MCTP1: variants seen among roughly 807,000 people sequenced by gnomAD.
The protein encoded by MCTP1 is multiple C2 and transmembrane domain-containing protein 1.
Under a neutral mutation model 120.6 loss-of-function variants are expected in MCTP1, and 69 were observed. The ratio of observed to expected loss-of-function variants is 0.57; its 90% CI spans 0.47 to 0.70. The LOEUF (loss-of-function observed/expected upper bound fraction) is 0.70, where lower values mean the gene tolerates loss of function less well. Ranked by LOEUF, MCTP1 falls within the 30% of genes least tolerant of loss-of-function variation. MCTP1 has a pLI of 0.00. For synonymous variants in MCTP1, 529 were observed against 493.1 expected (o/e 1.07, Z -0.96); for missense variants, 1,203 against 1,248.8 (o/e 0.96, Z 0.55).
chr5:95,137,228 T>C (rs1247123997), intron 1 of MCTP1, among the ~76,000 whole-genome samples: 2 of 152,188 alleles, frequency 1.3e-5, no homozygotes, highest in East Asian at 1.9e-4. Flanking sequence ...TCGGGGGAAG[T>C]ATAACCTAGT....
chr5:94,826,227 C>A, intron 17 of MCTP1: 2 of 424,156 alleles, frequency 4.7e-6, no homozygotes, highest in South Asian at 2.3e-5. Flanking sequence ...TTGCTATAAC[C>A]ATGCTTGTAG....
chr5:95,115,076 T>C (rs1414365039), intron 1 of MCTP1, among the ~76,000 whole-genome samples: 12 of 152,164 alleles, frequency 7.9e-5, no homozygotes, highest in Non-Finnish European at 2.9e-5. Context: ...TGGACTTGGA[T>C]TGGGGTGCCA....
At chr5:94,761,873 C>T (rs1195571627) in intron 19 of MCTP1, among the ~76,000 whole-genome samples, 2 of 152,212 alleles carry the variant, frequency 1.3e-5, no homozygotes, top group African/African-American at 2.4e-5. Flanking sequence ...TCAGAAGCCT[C>T]GTGGCTTCCA....
rs1315184995 is a variant in MCTP1 at position 94,947,575 on chromosome 5, TATAG to T, written c.982-5152_982-5149del. On this transcript the variant is annotated intron_variant, in intron 3 of 22. Transcript: ENST00000515393. ...TACTAAATATATATATATATATATA[TATAG>T]AGAGAGAGAGAGAGAGAGAGAGAGA... Among the ~76,000 whole-genome samples the T allele has an allele frequency of 3.8e-3, 179 of 47,398 alleles. 2 individuals carry two copies. Among genetic ancestry groups the T allele is most frequent in the East Asian group, 0.016 (28 of 1,744 alleles). 31.1% of individuals were successfully genotyped at this position (47,398 alleles called of 152,430 possible). A position where few individuals can be genotyped will look rare whatever the true frequency, so the allele number is the denominator to read the frequency against.
At chr5:94,720,887 A>G (rs1760733379) in intron 19 of MCTP1, among the ~76,000 whole-genome samples, 1 of 152,326 alleles carries the variant, frequency 6.6e-6, no homozygotes, top group African/African-American at 2.4e-5. Context: ...TACTTTTCTC[A>G]TAATTCATCC....
At chr5:94,765,256 G>A (rs1772324195) in intron 19 of MCTP1, among the ~76,000 whole-genome samples, 1 of 151,962 alleles carries the variant, frequency 6.6e-6, no homozygotes, top group Non-Finnish European at 1.5e-5. Context: ...AGTGCTACGA[G>A]GGCCATTTAT....
intron 8 of MCTP1, among the ~76,000 whole-genome samples, chr5:94,915,182 A>G (rs1234494155): frequency 1.3e-5 from 2 of 152,222 alleles, no homozygotes; most frequent in Non-Finnish European, 2.9e-5. Flanking sequence ...GGTTCCCACG[A>G]AAACCCCATG....
intron 19 of MCTP1, among the ~76,000 whole-genome samples, chr5:94,766,637 G>C (rs138569214): frequency 3.3e-5 from 5 of 151,424 alleles, no homozygotes; most frequent in African/African-American, 1.2e-4. Flanking sequence ...AAACCTGCAC[G>C]TTGTGCACAT....
chr5:94,816,439 T>C (rs1013823120), intron 17 of MCTP1, among the ~76,000 whole-genome samples: 4 of 152,146 alleles, frequency 2.6e-5, no homozygotes, highest in African/African-American at 9.7e-5. Flanking sequence ...TAATTTTACA[T>C]GAATTAATAT....
chr5:95,177,101 C>T (rs945800400), intron 1 of MCTP1, among the ~76,000 whole-genome samples: 26 of 150,836 alleles, frequency 1.7e-4, no homozygotes, highest in Admixed American at 8.6e-4. Flanking sequence ...TAGGGTTATC[C>T]GGAGAAACAG....
At chr5:95,097,623 C>T (rs1200819367) in intron 1 of MCTP1, among the ~76,000 whole-genome samples, 2 of 152,164 alleles carry the variant, frequency 1.3e-5, no homozygotes, top group African/African-American at 4.8e-5. Flanking sequence ...GGAAGTTTCT[C>T]ATCTCTTTTA....
chr5:95,149,580 G>A (rs331567), intron 1 of MCTP1, among the ~76,000 whole-genome samples: 45,474 of 151,808 alleles, frequency 0.3, 7,133 homozygotes, highest in East Asian at 0.56. Flanking sequence ...AGCTGTGCCC[G>A]CCCAGAGTTC....
chr5:95,249,509 C>T (rs1173268505), intron 1 of MCTP1, among the ~76,000 whole-genome samples: 2 of 152,082 alleles, frequency 1.3e-5, no homozygotes, highest in African/African-American at 4.8e-5. Flanking sequence ...CAGGAAGCAA[C>T]AGATGATGGA....
At chr5:95,112,224 C>T (rs1410823585) in intron 1 of MCTP1, among the ~76,000 whole-genome samples, 1 of 152,166 alleles carries the variant, frequency 6.6e-6, no homozygotes, top group Non-Finnish European at 1.5e-5. Context: ...TAACTAAATC[C>T]TTTTGAGTGA....
intron 1 of MCTP1, among the ~76,000 whole-genome samples, chr5:95,155,030 A>G (rs1200461674): frequency 1.3e-5 from 2 of 152,172 alleles, no homozygotes; most frequent in Non-Finnish European, 2.9e-5. Flanking sequence ...TATAATGAAT[A>G]TGAACAAAAG....
At chr5:94,722,144 T>A (rs1178195077) in intron 19 of MCTP1, among the ~76,000 whole-genome samples, 4 of 152,190 alleles carry the variant, frequency 2.6e-5, no homozygotes, top group Non-Finnish European at 5.9e-5. Context: ...CACCTAGTTT[T>A]GAGATATTTA....
intron 1 of MCTP1, among the ~76,000 whole-genome samples, chr5:95,033,399 T>C (rs1840648657): frequency 6.6e-6 from 1 of 151,968 alleles, no homozygotes; most frequent in South Asian, 2.1e-4. Context: ...GGGTTTTATT[T>C]CTGGGATGCA....
chr5:95,086,321 C>G (rs1755441365), intron 1 of MCTP1, among the ~76,000 whole-genome samples: 1 of 152,006 alleles, frequency 6.6e-6, no homozygotes, highest in African/African-American at 2.4e-5. Context: ...CATTTACAGA[C>G]TAATTGAAGA....
chr5:94,735,316 G>A (rs1454265827), intron 19 of MCTP1, among the ~76,000 whole-genome samples: 1 of 151,356 alleles, frequency 6.6e-6, no homozygotes, highest in Non-Finnish European at 1.5e-5. Context: ...CACATTATTT[G>A]TCTACATTTT....
Sources: allele counts gnomAD v4.1 joint callset (sites outside exome capture counted in the v4.1 genomes callset), GRCh38; gene constraint gnomAD v4.1.1; transcripts MANE v1.5; gene names NCBI Gene and HGNC (gene_info 2026-07-23, HGNC 2026-07-21).